The following ARSB variants were observed in gnomAD, a reference collection of about 807,000 sequenced individuals.
ARSB encodes arylsulfatase B, also known as N-acetylgalactosamine-4-sulfatase.
In ARSB, 41 loss-of-function variants were observed where a neutral mutation model predicts 50.9. The ratio of observed to expected loss-of-function variants is 0.81; its 90% CI spans 0.63 to 1.04. The LOEUF (loss-of-function observed/expected upper bound fraction) is 1.04. ARSB is among the 50% of genes least tolerant of loss of function. The probability of loss-of-function intolerance (pLI) is 0.00; values close to 1 mark genes in which losing one functional copy is unlikely to be tolerated. For missense variants in ARSB, 672 were observed against 693.3 expected (o/e 0.97, Z 0.35); for synonymous variants, 269 against 284.8 (o/e 0.94, Z 0.56).
At chr5:78,811,995 T>C (rs1367960244) in intron 6 of ARSB, among the ~76,000 whole-genome samples, 1 of 152,172 alleles carries the variant, frequency 6.6e-6, no homozygotes, top group Admixed American at 6.5e-5. Flanking sequence ...ATTCAGAATT[T>C]TTGGCCAAGT....
chr5:78,787,177 A>G (rs1461224718), intron 6 of ARSB, among the ~76,000 whole-genome samples: 1 of 150,528 alleles, frequency 6.6e-6, no homozygotes, highest in Non-Finnish European at 1.5e-5. Context: ...GCTGGTCTCT[A>G]GCTCCTGGCC....
At chr5:78,817,300 C>T (rs867163501) in intron 6 of ARSB, among the ~76,000 whole-genome samples, 4 of 152,216 alleles carry the variant, frequency 2.6e-5, no homozygotes, top group Admixed American at 6.5e-5. Context: ...TGTTCTTTCT[C>T]TAGGTGAGCT....
At chr5:78,968,574 C>T (rs1272656114) in intron 2 of ARSB, among the ~76,000 whole-genome samples, 1 of 152,106 alleles carries the variant, frequency 6.6e-6, no homozygotes, top group Non-Finnish European at 1.5e-5. Context: ...TGGTCTCCAT[C>T]TCCTGACCTC....
chr5:78,890,900 C>T (rs1748262921), intron 4 of ARSB, among the ~76,000 whole-genome samples: 1 of 152,196 alleles, frequency 6.6e-6, no homozygotes, highest in South Asian at 2.1e-4. Flanking sequence ...CTTCTGTGAA[C>T]CTGCCACTTA....
At chr5:78,858,599 A>C (rs909192464) in intron 5 of ARSB, among the ~76,000 whole-genome samples, 3 of 152,244 alleles carry the variant, frequency 2.0e-5, no homozygotes, top group African/African-American at 7.2e-5. Context: ...TACTTCTTTT[A>C]CCACTAACTG....
chr5:78,832,934 T>C (rs921185444), intron 6 of ARSB, among the ~76,000 whole-genome samples: 2 of 152,220 alleles, frequency 1.3e-5, no homozygotes, highest in Non-Finnish European at 2.9e-5. Context: ...CGGATATGTG[T>C]GTTCCAGCCA....
intron 4 of ARSB, among the ~76,000 whole-genome samples, chr5:78,946,528 T>C (rs1446569616): frequency 2.0e-5 from 3 of 151,882 alleles, no homozygotes; most frequent in Admixed American, 6.6e-5. Flanking sequence ...ACCAATAAAA[T>C]AAGATACCTA....
intron 6 of ARSB, among the ~76,000 whole-genome samples, chr5:78,838,405 C>T (rs1047131128): frequency 2.0e-5 from 3 of 152,222 alleles, no homozygotes; most frequent in African/African-American, 2.4e-5. Context: ...TGGAGTGAGG[C>T]TGGCCGGGCA....
intron 3 of ARSB, among the ~76,000 whole-genome samples, chr5:78,955,795 T>A (rs922206547): frequency 6.6e-6 from 1 of 152,234 alleles, no homozygotes; most frequent in African/African-American, 2.4e-5. Context: ...GTCAACATCA[T>A]CAGTCATTAT....
At chr5:78,931,875 A>G (rs1214482121) in intron 4 of ARSB, among the ~76,000 whole-genome samples, 1 of 151,968 alleles carries the variant, frequency 6.6e-6, no homozygotes, top group African/African-American at 2.4e-5. Context: ...GTAAGTTCTC[A>G]CAAGAGCTGA....
intron 4 of ARSB, among the ~76,000 whole-genome samples, chr5:78,941,377 A>G (rs549314723): frequency 1.3e-5 from 2 of 151,956 alleles, no homozygotes; most frequent in East Asian, 3.9e-4. Flanking sequence ...TTCAAAGGGA[A>G]TGCTTTCAGT....
chr5:78,820,394 C>G (rs1744162123), intron 6 of ARSB, among the ~76,000 whole-genome samples: 1 of 152,068 alleles, frequency 6.6e-6, no homozygotes, highest in South Asian at 2.1e-4. Flanking sequence ...TTAAAAGTCT[C>G]TACTAAAAAT....
chr5:78,856,269 G>A (rs572299247), intron 5 of ARSB, among the ~76,000 whole-genome samples: 1 of 152,258 alleles, frequency 6.6e-6, no homozygotes, highest in African/African-American at 2.4e-5. Context: ...GTCACCATAT[G>A]TGATTACATG....
intron 4 of ARSB, among the ~76,000 whole-genome samples, chr5:78,951,484 A>C (rs894059782): frequency 3.9e-5 from 6 of 152,218 alleles, no homozygotes; most frequent in African/African-American, 1.4e-4. Context: ...GTAATGCAGA[A>C]GAGCTCCAAA....
chr5:78,897,505 T>C (rs1178284936), intron 4 of ARSB, among the ~76,000 whole-genome samples: 1 of 152,172 alleles, frequency 6.6e-6, no homozygotes, highest in Non-Finnish European at 1.5e-5. Flanking sequence ...TGTAAGCTTA[T>C]AAATAATTCT....
At chr5:78,818,665 G>A (rs1413377103) in intron 6 of ARSB, among the ~76,000 whole-genome samples, 5 of 123,850 alleles carry the variant, frequency 4.0e-5, no homozygotes, top group South Asian at 2.7e-4. Context: ...AGGCTGGAGT[G>A]CAGTGGCGTG....
Position 78,778,149 on chromosome 5 carries a change from C to A in ARSB, c.*2248G>T, listed in dbSNP as rs932831210. On this transcript the variant is annotated 3_prime_UTR_variant, in exon 8 of 8. Coordinates refer to ENST00000264914, the MANE Select transcript of ARSB (RefSeq NM_000046.5). Reference sequence around the variant, plus strand: ...GCCCTGTAGCGATGGCCTCCAACGGCTACCTACACCCAGCCCTGGGATTCG... The same window carrying A: ...GCCCTGTAGCGATGGCCTCCAACGGATACCTACACCCAGCCCTGGGATTCG... 6.6e-6 allele frequency: 1 copy of A among 152,154 alleles called. No individual in the cohort carries two copies. The highest frequency in any genetic ancestry group is 6.5e-5 in the Admixed American group (1 of 15,276). 9.4% of individuals were successfully genotyped at this position (152,154 alleles called of 1,614,324 possible). A position where few individuals can be genotyped will look rare whatever the true frequency, so the allele number is the denominator to read the frequency against.
intron 5 of ARSB, among the ~76,000 whole-genome samples, chr5:78,848,433 A>G (rs1462620520): frequency 6.7e-6 from 1 of 150,124 alleles, no homozygotes; most frequent in Admixed American, 6.6e-5. Context: ...CATGGTGTAT[A>G]TGTGCCACAT....
At chr5:78,876,804 AGGTGAGCGGTG>A (rs1368791691) in intron 5 of ARSB, among the ~76,000 whole-genome samples, 2 of 152,158 alleles carry the variant, frequency 1.3e-5, no homozygotes, top group Non-Finnish European at 2.9e-5. Flanking sequence ...TCACAGCAGG[AGGTGAGCGGTG>A]GGCTAGCAAG....
Sources: gnomAD v4.1 joint callset for allele counts (sites outside exome capture counted in the v4.1 genomes callset) on GRCh38, gnomAD v4.1.1 for gene constraint, MANE v1.5 for transcripts, NCBI Gene and HGNC (gene_info 2026-07-23, HGNC 2026-07-21) for gene names.